Variants in NKAIN3 observed in about 807,000 individuals in gnomAD.
The protein encoded by NKAIN3 is sodium/potassium-transporting ATPase subunit beta-1-interacting protein 3.
In NKAIN3, 25 loss-of-function variants were observed where a neutral mutation model predicts 30.2. The observed-to-expected ratio is 0.83, with a 90% CI of 0.60 to 1.16. The LOEUF is 1.16. Among genes scored for constraint, NKAIN3 ranks in the 50% most tolerant of loss-of-function variants. NKAIN3 has a pLI of 0.00. For synonymous variants in NKAIN3, 91 were observed against 89.6 expected (o/e 1.02, Z -0.09); for missense variants, 225 against 254.1 (o/e 0.89, Z 0.78).
At chr8:62,564,766 TA>T (rs752125143) in intron 1 of NKAIN3, among the ~76,000 whole-genome samples, 1 of 152,204 alleles carries the variant, frequency 6.6e-6, no homozygotes, top group Non-Finnish European at 1.5e-5. Flanking sequence ...GTAGAAGATG[TA>T]AAATGTATTA....
chr8:62,883,037 A>C (rs1432375871), intron 4 of NKAIN3, among the ~76,000 whole-genome samples: 1 of 152,136 alleles, frequency 6.6e-6, no homozygotes, highest in Non-Finnish European at 1.5e-5. Flanking sequence ...AGTGTTGGCT[A>C]TTCTAGGACG....
intron 4 of NKAIN3, among the ~76,000 whole-genome samples, chr8:62,914,231 A>G (rs1822011115): frequency 6.6e-6 from 1 of 152,214 alleles, no homozygotes; most frequent in African/African-American, 2.4e-5. Flanking sequence ...TCCTTAGCAA[A>G]CTAATGCAGG....
chr8:62,622,047 A>G (rs1173891787), intron 3 of NKAIN3, among the ~76,000 whole-genome samples: 1 of 152,084 alleles, frequency 6.6e-6, no homozygotes, highest in Non-Finnish European at 1.5e-5. Flanking sequence ...ATGCAATTTT[A>G]TAGCATATAG....
intron 4 of NKAIN3, among the ~76,000 whole-genome samples, chr8:62,772,722 A>T (rs62512379): frequency 0.17 from 25,919 of 149,262 alleles, 2,430 homozygotes; most frequent in East Asian, 0.29. Context: ...GTGCAGTGGC[A>T]CGATCTCAGC....
chr8:62,927,935 C>A (rs1231558728), intron 5 of NKAIN3, among the ~76,000 whole-genome samples: 2 of 151,822 alleles, frequency 1.3e-5, no homozygotes, highest in African/African-American at 4.8e-5. Flanking sequence ...AGTCTTGGAC[C>A]AATTATTTAA....
chr8:62,505,825 G>A (rs985421515), intron 1 of NKAIN3, among the ~76,000 whole-genome samples: 1 of 152,014 alleles, frequency 6.6e-6, no homozygotes, highest in Non-Finnish European at 1.5e-5. Context: ...AATAACCAAA[G>A]TTATCTTATA....
At chr8:62,615,945 T>TG (rs1448589486) in intron 3 of NKAIN3, among the ~76,000 whole-genome samples, 2 of 152,160 alleles carry the variant, frequency 1.3e-5, no homozygotes, top group African/African-American at 4.8e-5. Context: ...ATTGCTCGCC[T>TG]GATTTTTGAT....
rs59909660 is a variant in NKAIN3 at position 62,933,007 on chromosome 8, C to CACACACACAG, written c.532+14503_532+14504insGACACACACA. Among the ~76,000 whole-genome samples, 221 of 151,760 alleles carry CACACACACAG rather than the reference C, an allele frequency of 1.5e-3. 1 individual carries two copies. The highest frequency in any genetic ancestry group is 5.0e-3 in the African/African-American group (208 of 41,312). On this transcript the variant is annotated intron_variant, in intron 5 of 6. Transcript: ENST00000623646. ...GCCTCACTCAATGAACACACACACA[C>CACACACACAG]ACACACACACACACACACACACCAG...
At chr8:62,722,918 A>G (rs1815136833) in intron 3 of NKAIN3, among the ~76,000 whole-genome samples, 1 of 152,170 alleles carries the variant, frequency 6.6e-6, no homozygotes, top group African/African-American at 2.4e-5. Flanking sequence ...TCCTACAGCC[A>G]TCCAAGATGG....
At chr8:62,563,567 T>A (rs1016503804) in intron 1 of NKAIN3, among the ~76,000 whole-genome samples, 5 of 152,176 alleles carry the variant, frequency 3.3e-5, no homozygotes, top group Admixed American at 2.0e-4. Context: ...ATTTTTTAAA[T>A]ATGTACCACC....
chr8:62,925,311 C>T (rs1035473739), intron 5 of NKAIN3, among the ~76,000 whole-genome samples: 12 of 152,102 alleles, frequency 7.9e-5, no homozygotes, highest in Admixed American at 5.9e-4. Context: ...CTTGTCTTTA[C>T]GTTATCTCTC....
chr8:62,383,881 C>CTTTTT lies in NKAIN3; in HGVS notation c.54+134763_54+134767dup, dbSNP rs202071193. 5.3e-4 allele frequency among the ~76,000 whole-genome samples: 77 copies of CTTTTT among 145,826 alleles called. 1 individual carries two copies. The highest frequency in any genetic ancestry group is 1.4e-3 in the East Asian group (7 of 4,928). On this transcript the variant is annotated intron_variant, in intron 1 of 6. Coordinates refer to ENST00000623646, the MANE Select transcript of NKAIN3 (RefSeq NM_001304533.3). ...CTACAGTGACAATTTCATGAATTTT[C>CTTTTT]TTTTTTTTTTTTTCCACAGTAGACC... is the stretch of plus-strand genomic sequence containing the variant.
At chr8:62,786,044 C>T (rs1817506449) in intron 4 of NKAIN3, among the ~76,000 whole-genome samples, 1 of 152,098 alleles carries the variant, frequency 6.6e-6, no homozygotes, top group African/African-American at 2.4e-5. Context: ...TCTCCCATCC[C>T]TACTTCCATA....
intron 5 of NKAIN3, among the ~76,000 whole-genome samples, chr8:62,942,223 T>TAC (rs1406147678): frequency 8.8e-5 from 3 of 33,922 alleles, no homozygotes; most frequent in East Asian, 5.0e-4. Flanking sequence ...CACATATATA[T>TAC]ACATATATAT....
chr8:62,314,968 T>C (rs1476264339), intron 1 of NKAIN3, among the ~76,000 whole-genome samples: 1 of 152,148 alleles, frequency 6.6e-6, no homozygotes, highest in Non-Finnish European at 1.5e-5. Context: ...ATTTGTCCAG[T>C]GTGCTTATTT....
intron 1 of NKAIN3, among the ~76,000 whole-genome samples, chr8:62,350,783 C>T (rs879579458): frequency 7.9e-5 from 12 of 151,944 alleles, no homozygotes; most frequent in Non-Finnish European, 1.3e-4. Flanking sequence ...CTCTGCCTCC[C>T]GGGTTCAAGC....
intron 4 of NKAIN3, among the ~76,000 whole-genome samples, chr8:62,825,701 T>C (rs1427571600): frequency 2.0e-5 from 3 of 152,154 alleles, no homozygotes; most frequent in Non-Finnish European, 4.4e-5. Context: ...ATGTATGATA[T>C]GTGGTCTAAA....
rs1823932282 is a variant in NKAIN3 at position 62,975,965 on chromosome 8, T to C, written c.*10558T>C. ...TCCCAGGAGTCATTCAGAAGCAGGT[T>C]GTTCAGTTTCCATGTAGTTGTGTGG... On this transcript the variant is annotated 3_prime_UTR_variant, in exon 7 of 7. Coordinates refer to ENST00000623646, the MANE Select transcript of NKAIN3 (RefSeq NM_001304533.3). Among the ~76,000 whole-genome samples, 1 of 152,228 alleles carries C rather than the reference T, an allele frequency of 6.6e-6. No individual in the cohort carries two copies.
At chr8:62,500,493 G>GAAGA (rs1554540149) in intron 1 of NKAIN3, among the ~76,000 whole-genome samples, 11 of 134,018 alleles carry the variant, frequency 8.2e-5, no homozygotes, top group East Asian at 4.9e-4. Flanking sequence ...AAGAAGAAAA[G>GAAGA]AAAGAAAGAA....
Sources: allele counts gnomAD v4.1 joint callset (sites outside exome capture counted in the v4.1 genomes callset), GRCh38; gene constraint gnomAD v4.1.1; transcripts MANE v1.5; gene names NCBI Gene and HGNC (gene_info 2026-07-23, HGNC 2026-07-21).